The following PRKD3 variants were observed in gnomAD, a reference collection of about 807,000 sequenced individuals.
The protein encoded by PRKD3 is protein kinase D3.
PRKD3 carries 47 observed loss-of-function variants against 99.2 expected under a neutral mutation model. That is an observed-to-expected ratio of 0.47 (90% CI 0.38 to 0.60). PRKD3 has a LOEUF of 0.60. Ranked by LOEUF, PRKD3 falls within the 20% of genes least tolerant of loss-of-function variation. PRKD3 has a pLI of 0.00. For synonymous variants in PRKD3, 392 were observed against 355.4 expected, an observed-to-expected ratio of 1.10 and a Z score of -1.16; for missense variants, 1,019 against 1,088.4, an observed-to-expected ratio of 0.94 and a Z score of 0.90.
intron 14 of PRKD3, among the ~76,000 whole-genome samples, chr2:37,265,734 T>C (rs569225747): frequency 5.9e-5 from 9 of 152,308 alleles, no homozygotes; most frequent in African/African-American, 1.9e-4. Context: ...TTGTATTAAA[T>C]TTAGTATGAA....
chr2:37,291,068 A>G (rs1168267886), intron 3 of PRKD3, 69 bp from the exon 4 acceptor site: 1 of 1,353,956 alleles, frequency 7.4e-7, no homozygotes, highest in Non-Finnish European at 9.9e-7. Context: ...ATGCTCACAC[A>G]TTCACTTATG....
chr2:37,266,902 G>C (rs144245099), intron 14 of PRKD3, among the ~76,000 whole-genome samples: 1 of 152,276 alleles, frequency 6.6e-6, no homozygotes, highest in African/African-American at 2.4e-5. Flanking sequence ...CAAGGATCAA[G>C]CTAAATTTTA....
chr2:37,285,999 A>G (rs1317427894), intron 6 of PRKD3, among the ~76,000 whole-genome samples, 178 bp downstream of exon 6: 1 of 152,186 alleles, frequency 6.6e-6, no homozygotes, highest in African/African-American at 2.4e-5. Flanking sequence ...CACACTGCAG[A>G]TAGTAGTAAT....
chr2:37,312,306 T>C (rs1238183339), intron 2 of PRKD3, among the ~76,000 whole-genome samples: 1 of 152,208 alleles, frequency 6.6e-6, no homozygotes, highest in Non-Finnish European at 1.5e-5. Flanking sequence ...AATTACTGAA[T>C]CGTGGAAATA....
intron 3 of PRKD3, 168 bp downstream of exon 3, chr2:37,292,965 G>T (rs1670504554): frequency 4.3e-6 from 3 of 705,540 alleles, no homozygotes; most frequent in African/African-American, 3.5e-5. Context: ...TCTTAATGGT[G>T]ATATAACATG....
At chr2:37,280,695 T>A (rs1247241239) in intron 7 of PRKD3, among the ~76,000 whole-genome samples, 1 of 152,166 alleles carries the variant, frequency 6.6e-6, no homozygotes, top group African/African-American at 2.4e-5. Context: ...TTTTGTGACC[T>A]TGGTTAGGCA....
chr2:37,256,643 T>TG lies in PRKD3; in HGVS notation c.2413+18_2413+19insC. On this transcript the variant is annotated intron_variant, in intron 17 of 18. Transcript: ENST00000234179. ...CATAGCCAAAATTTTTTTTTTTTTT[T>TG]TTTTTTTTTTTTTTTTACCTTCACC... 1 of 1,395,492 alleles carries TG rather than the reference T, an allele frequency of 7.2e-7. No homozygotes were observed. The highest frequency in any genetic ancestry group is 9.3e-7 in the Non-Finnish European group (1 of 1,077,170). 86.4% of individuals were successfully genotyped at this position (1,395,492 alleles called of 1,614,324 possible).
intron 10 of PRKD3, among the ~76,000 whole-genome samples, chr2:37,274,952 T>C (rs1483160508): frequency 1.3e-5 from 2 of 152,100 alleles, no homozygotes; most frequent in Non-Finnish European, 2.9e-5. Context: ...GAAGAAGATA[T>C]AGGAGAGTAA....
chr2:37,317,489 T>C (rs1558584586), intron 1 of PRKD3, among the ~76,000 whole-genome samples: 1 of 151,630 alleles, frequency 6.6e-6, no homozygotes, highest in African/African-American at 2.4e-5. Flanking sequence ...TACAATTACA[T>C]GACTGAGTTA....
intron 6 of PRKD3, among the ~76,000 whole-genome samples, 181 bp downstream of exon 6, chr2:37,285,996 C>T (rs1051437519): frequency 1.3e-5 from 2 of 152,146 alleles, no homozygotes; most frequent in African/African-American, 4.8e-5. Flanking sequence ...ACACACACTG[C>T]AGATAGTAGT....
intron 2 of PRKD3, among the ~76,000 whole-genome samples, chr2:37,309,131 CA>C: frequency 6.6e-6 from 1 of 152,158 alleles, no homozygotes; most frequent in South Asian, 2.1e-4. Context: ...TAAGAAGACG[CA>C]TTCATTTTAC....
rs200986602 is a variant in PRKD3 at position 37,292,825 on chromosome 2, A to T, written c.427+308T>A. Among the ~76,000 whole-genome samples, 141 of 148,438 alleles carry T rather than the reference A, an allele frequency of 9.5e-4. 1 individual carries two copies. The East Asian group carries it at 0.019, about 20-fold the overall frequency. ...CATGCCTGGCTAATTTTTTTTTTTT[A>T]AATTTTTAGTAGAGACGAGGTATGC... is the stretch of plus-strand genomic sequence containing the variant. On this transcript the variant is annotated intron_variant, in intron 3 of 18. Coordinates refer to ENST00000234179, the MANE Select transcript of PRKD3 (RefSeq NM_005813.6).
chr2:37,319,691 G>A (rs902048683), intron 1 of PRKD3, among the ~76,000 whole-genome samples: 6 of 144,878 alleles, frequency 4.1e-5, no homozygotes, highest in Non-Finnish European at 6.3e-5. Context: ...TATACTCCTT[G>A]TTACTCAGCC....
In PRKD3 at chr2:37,316,285, C is replaced by G; in HGVS notation, c.240G>C (p.Leu80=). 1.2e-6 allele frequency: 2 copies of G among 1,614,198 alleles called. No homozygotes were observed. Among genetic ancestry groups the G allele is most frequent in the Non-Finnish European group, 1.7e-6 (2 of 1,180,040 alleles). Reference sequence around the variant, plus strand: ...CAAGATCCTTGACAGCAGATAAAGACAGTTCCTGGGCTTCAATGGTAACAC... The same window carrying G: ...CAAGATCCTTGACAGCAGATAAAGAGAGTTCCTGGGCTTCAATGGTAACAC... The part of the protein sequence containing the change: ...RESVTIEAQE[L]SLSAVKDLVC... Residue 80 remains leucine, a synonymous_variant, in exon 2 of 19, where the codon CTG becomes CTC. Coordinates refer to ENST00000234179, the MANE Select transcript of PRKD3 (RefSeq NM_005813.6).
chr2:37,275,780 G>C lies in PRKD3; in HGVS notation c.1361C>G (p.Ser454Ter). Residue 454 changes from serine to a stop codon, truncating the protein, a stop_gained, in exon 10 of 19, where the codon TCA becomes TGA. Coordinates refer to ENST00000234179, the MANE Select transcript of PRKD3 (RefSeq NM_005813.6). LOFTEE classifies it high-confidence loss of function. ...CLTLFQNESGSKYYKEIPLSE... is the reference protein window; with the variant it reads ...CLTLFQNESG ...TAAAATCCTTACCTTATAATACTTT[G>C]ATCCAGATTCATTCTGAAATAATGT... 1.2e-6 allele frequency: 2 copies of C among 1,607,364 alleles called. No individual in the cohort carries two copies. The highest frequency in any genetic ancestry group is 1.7e-6 in the Non-Finnish European group (2 of 1,177,004).
rs1668320003 is a variant in PRKD3 at position 37,260,330 on chromosome 2, G to C, written c.1939C>G (p.Arg647Gly). Residue 647 changes from arginine (R) to glycine (G), a missense_variant, in exon 15 of 19, where the codon CGA (arginine) becomes GGA (glycine). Physicochemically the swap from Arg to Gly is moderately radical, Grantham distance 125 (BLOSUM62 -2). This residue lies in a region of PRKD3 where 184 missense variants were observed against 275.1 expected (regional missense o/e 0.67). Coordinates refer to ENST00000234179, the MANE Select transcript of PRKD3 (RefSeq NM_005813.6). ...NLECMFETPERVFVVMEKLHG... is the reference protein window; with the variant it reads ...NLECMFETPEGVFVVMEKLHG... ...AGCTTTTCCATTACTACAAAGACTC[G>C]TTCTGGGGTTTCAAACATACATTCC... 1 of 1,609,788 alleles carries C rather than the reference G, an allele frequency of 6.2e-7. No individual in the cohort carries two copies. The highest frequency in any genetic ancestry group is 1.7e-4 in the Middle Eastern group (1 of 6,054).
intron 10 of PRKD3, 64 bp downstream of exon 10, chr2:37,275,703 A>T: frequency 6.8e-7 from 1 of 1,477,246 alleles, no homozygotes; most frequent in South Asian, 1.4e-5. Context: ...CAGTTAATGA[A>T]TATTATCTGA....
At chr2:37,256,510 A>G in intron 17 of PRKD3, 152 bp downstream of exon 17, 1 of 1,075,624 alleles carries the variant, frequency 9.3e-7, no homozygotes, top group Non-Finnish European at 1.3e-6. Flanking sequence ...GAGTGCTCAA[A>G]AAACTGGTAA....
intron 9 of PRKD3, among the ~76,000 whole-genome samples, chr2:37,277,615 A>T (rs955582709): frequency 3.3e-5 from 5 of 152,250 alleles, no homozygotes; most frequent in African/African-American, 1.2e-4. Flanking sequence ...ATTATTTTTT[A>T]TTGTGGAACA....
Sources: allele counts gnomAD v4.1 joint callset (sites outside exome capture counted in the v4.1 genomes callset), GRCh38; gene constraint gnomAD v4.1.1; regional missense constraint gnomAD v4.1.1; transcripts MANE v1.5; gene names NCBI Gene and HGNC (gene_info 2026-07-23, HGNC 2026-07-21).